Variants in TSHZ2 observed in about 807,000 individuals in gnomAD.
TSHZ2 encodes teashirt homolog 2.
In TSHZ2, 21 loss-of-function variants were observed where a neutral mutation model predicts 74.4. The observed-to-expected ratio is 0.28, with a 90% CI of 0.20 to 0.41. The LOEUF (loss-of-function observed/expected upper bound fraction) is 0.41. TSHZ2 is among the 10% of genes least tolerant of loss of function. The pLI is 1.00. For synonymous variants in TSHZ2, 540 were observed against 515.3 expected (o/e 1.05, Z -0.65); for missense variants, 1,244 against 1,293.5 (o/e 0.96, Z 0.59).
intron 1 of TSHZ2, among the ~76,000 whole-genome samples, chr20:53,061,967 ATAAG>A (rs1984836562): frequency 1.3e-5 from 2 of 152,186 alleles, no homozygotes; most frequent in African/African-American, 4.8e-5. Flanking sequence ...CCCTATGTAA[ATAAG>A]TAAGTCTGGG....
intron 2 of TSHZ2, among the ~76,000 whole-genome samples, chr20:53,475,561 G>T (rs1251376711): frequency 8.9e-6 from 1 of 112,152 alleles, no homozygotes; most frequent in African/African-American, 3.8e-5. Flanking sequence ...AAGCAGGAAA[G>T]ATCCAAAATT....
intron 1 of TSHZ2, among the ~76,000 whole-genome samples, chr20:53,212,034 A>G (rs1470306265): frequency 6.6e-6 from 1 of 152,172 alleles, no homozygotes; most frequent in African/African-American, 2.4e-5. Flanking sequence ...AGTTTCAATC[A>G]TATCGAAGTG....
intron 1 of TSHZ2, among the ~76,000 whole-genome samples, chr20:52,987,041 G>A (rs1311879879): frequency 1.3e-5 from 2 of 152,104 alleles, no homozygotes; most frequent in African/African-American, 4.8e-5. Context: ...GTGAGTAAGG[G>A]CTGTCAAGAA....
chr20:53,111,111 C>CA (rs1986523544), intron 1 of TSHZ2, among the ~76,000 whole-genome samples: 1 of 152,080 alleles, frequency 6.6e-6, no homozygotes, highest in African/African-American at 2.4e-5. Context: ...AGTGCAAGGT[C>CA]AATCAGAGAA....
At chr20:53,469,762 G>GAA in intron 2 of TSHZ2, among the ~76,000 whole-genome samples, 11 of 47,548 alleles carry the variant, frequency 2.3e-4, no homozygotes, top group African/African-American at 6.3e-4. Flanking sequence ...GAAAGATAGA[G>GAA]AGGGAGGAAG....
At chr20:53,361,922 G>GTT (rs758422342) in intron 2 of TSHZ2, among the ~76,000 whole-genome samples, 1 of 29,272 alleles carries the variant, frequency 3.4e-5, no homozygotes. Context: ...GTTGTTTTGT[G>GTT]TTTTTTTTTT....
At chr20:53,297,126 T>G (rs1421839407) in intron 2 of TSHZ2, among the ~76,000 whole-genome samples, 1 of 152,178 alleles carries the variant, frequency 6.6e-6, no homozygotes, top group African/African-American at 2.4e-5. Context: ...AATCTCTAAC[T>G]GCAAAGGATT....
At chr20:53,168,264 C>T (rs1457288417) in intron 1 of TSHZ2, among the ~76,000 whole-genome samples, 1 of 152,130 alleles carries the variant, frequency 6.6e-6, no homozygotes, top group Non-Finnish European at 1.5e-5. Flanking sequence ...CCTCAGATAC[C>T]ACTAGCACCT....
intron 1 of TSHZ2, among the ~76,000 whole-genome samples, chr20:53,089,309 A>C (rs1405725148): frequency 7.0e-6 from 1 of 143,206 alleles, no homozygotes; most frequent in African/African-American, 2.6e-5. Flanking sequence ...CAGGTACAGG[A>C]ATGGGATTTT....
At chr20:53,176,690 C>CTT (rs1205063066) in intron 1 of TSHZ2, among the ~76,000 whole-genome samples, 8 of 137,422 alleles carry the variant, frequency 5.8e-5, no homozygotes, top group African/African-American at 8.2e-5. Flanking sequence ...TTGTTTCTTT[C>CTT]TTTTTTTTTT....
At chr20:53,223,610 G>A (rs1989613606) in intron 1 of TSHZ2, among the ~76,000 whole-genome samples, 1 of 152,034 alleles carries the variant, frequency 6.6e-6, no homozygotes, top group Non-Finnish European at 1.5e-5. Context: ...TGCCCAGGCT[G>A]GTCTCAAACT....
chr20:53,403,543 G>T (rs1211705145), intron 2 of TSHZ2, among the ~76,000 whole-genome samples: 2 of 152,128 alleles, frequency 1.3e-5, no homozygotes, highest in Non-Finnish European at 2.9e-5. Flanking sequence ...TCTGTGTGCA[G>T]CATCCACATC....
At chr20:53,454,561 CAA>C (rs1250214885) in intron 2 of TSHZ2, among the ~76,000 whole-genome samples, 29 of 104,540 alleles carry the variant, frequency 2.8e-4, no homozygotes, top group Admixed American at 4.9e-4. Flanking sequence ...AACTTGGTCT[CAA>C]AAAAAAAAAA....
Position 53,255,965 on chromosome 20 carries a change from C to T in TSHZ2, c.2507C>T (p.Ser836Leu). 5 of 1,614,102 alleles carry T rather than the reference C, an allele frequency of 3.1e-6. No individual in the cohort carries two copies. The highest frequency in any genetic ancestry group is 4.2e-6 in the Non-Finnish European group (5 of 1,179,970). ...TTTGAGGATGTCTCCAGTGAAGTCT[C>T]AACTTTGCATAAAAGAAAAGGCCGG... ...RRFEDVSSEVSTLHKRKGRQS... is the reference protein window; with the variant it reads ...RRFEDVSSEVLTLHKRKGRQS... Residue 836 changes from serine (S) to leucine (L), a missense_variant, in exon 2 of 3, where the codon TCA becomes TTA. Transcript: ENST00000371497. The surrounding 1 kb of genome is among the most constrained non-coding windows in gnomAD (Gnocchi z 4.1).
chr20:53,387,160 C>T (rs1982077937), intron 2 of TSHZ2, among the ~76,000 whole-genome samples: 1 of 152,086 alleles, frequency 6.6e-6, no homozygotes, highest in Admixed American at 6.5e-5. Flanking sequence ...CACTAAGATC[C>T]CAAAGCCAAT....
chr20:53,089,300 A>C (rs1016871686), intron 1 of TSHZ2, among the ~76,000 whole-genome samples: 3 of 150,106 alleles, frequency 2.0e-5, no homozygotes, highest in African/African-American at 4.9e-5. Context: ...CAGCAGTGAC[A>C]GGTACAGGAA....
intron 2 of TSHZ2, among the ~76,000 whole-genome samples, chr20:53,365,232 G>A (rs1981214304): frequency 6.6e-6 from 1 of 152,200 alleles, no homozygotes; most frequent in African/African-American, 2.4e-5. Flanking sequence ...AAAATGATTG[G>A]CCTGTTTTCT....
chr20:53,103,948 C>T (rs1986289494), intron 1 of TSHZ2, among the ~76,000 whole-genome samples: 1 of 152,124 alleles, frequency 6.6e-6, no homozygotes, highest in Non-Finnish European at 1.5e-5. Flanking sequence ...AATGTTATGT[C>T]AGAGCCCAAT....
At chr20:53,042,687 A>G (rs1243456617) in intron 1 of TSHZ2, among the ~76,000 whole-genome samples, 2 of 136,946 alleles carry the variant, frequency 1.5e-5, no homozygotes, top group African/African-American at 5.3e-5. Flanking sequence ...CTACACTATT[A>G]TGGAAGTAGA....
Sources: allele counts gnomAD v4.1 joint callset (sites outside exome capture counted in the v4.1 genomes callset), GRCh38; gene constraint gnomAD v4.1.1; non-coding constraint Gnocchi (gnomAD v3.1); transcripts MANE v1.5; gene names NCBI Gene and HGNC (gene_info 2026-07-23, HGNC 2026-07-21).